The following IER3IP1 variants were observed in gnomAD, a reference collection of about 807,000 sequenced individuals.
IER3IP1 encodes the protein immediate early response 3-interacting protein 1.
Under a neutral mutation model 12.2 loss-of-function variants are expected in IER3IP1, and 16 were observed. The observed-to-expected ratio is 1.31, with a 90% CI of 0.89 to 1.99. The LOEUF is 1.99. Among genes scored for constraint, IER3IP1 ranks in the 30% most tolerant of loss-of-function variants. The probability of loss-of-function intolerance (pLI) is 0.00; values close to 1 mark genes in which losing one functional copy is unlikely to be tolerated. For synonymous variants in IER3IP1, 42 were observed against 40.0 expected, an observed-to-expected ratio of 1.05 and a Z score of -0.19; for missense variants, 95 against 95.8, an observed-to-expected ratio of 0.99 and a Z score of 0.03.
chr18:47,169,485 ACT>A lies in IER3IP1; in HGVS notation c.91+6700_91+6701del, dbSNP rs1183326858. On this transcript the variant is annotated intron_variant, in intron 1 of 2. Coordinates refer to ENST00000256433, the MANE Select transcript of IER3IP1 (RefSeq NM_016097.5). ...GTTTAACATTTTGAGGAACAGCCAG[ACT>A]GTTTTCCGAAGTGGCTGAACCATTT... Among the ~76,000 whole-genome samples, 8 of 152,292 alleles carry A rather than the reference ACT, an allele frequency of 5.3e-5. No individual in the cohort carries two copies. The East Asian group carries it at 1.5e-3, about 29-fold the overall frequency.
chr18:47,156,169 A>G lies in IER3IP1; in HGVS notation c.*8T>C, dbSNP rs769564169. 14 of 1,497,030 alleles carry G rather than the reference A, an allele frequency of 9.4e-6. No homozygotes were observed. The South Asian group carries it at 1.4e-4, about 14-fold the overall frequency. The allele number at this position is 1,497,030 out of a possible 1,614,324, so 92.7% of individuals were successfully genotyped here. A position where few individuals can be genotyped will look rare whatever the true frequency, so the allele number is the denominator to read the frequency against. ...CCTCTTCTGAGTCTCCATTTTCTCC[A>G]CTGATATTCATCCAAATAATAAAAG... On this transcript the variant is annotated 3_prime_UTR_variant, in exon 3 of 3. Transcript: ENST00000256433.
At chr18:47,174,963 T>C (rs1300672861) in intron 1 of IER3IP1, among the ~76,000 whole-genome samples, 1 of 152,236 alleles carries the variant, frequency 6.6e-6, no homozygotes, top group Non-Finnish European at 1.5e-5. Flanking sequence ...AGTTAGTATC[T>C]GCCCGTACTT....
chr18:47,174,775 C>T (rs1181575606), intron 1 of IER3IP1, among the ~76,000 whole-genome samples: 1 of 151,940 alleles, frequency 6.6e-6, no homozygotes, highest in Non-Finnish European at 1.5e-5. Context: ...CTGGTCATGT[C>T]GCTGTCTTAA....
At chr18:47,173,643 T>C (rs1041704036) in intron 1 of IER3IP1, among the ~76,000 whole-genome samples, 11 of 152,206 alleles carry the variant, frequency 7.2e-5, no homozygotes, top group African/African-American at 2.7e-4. Context: ...GCCTCTACTT[T>C]TAAAATATCT....
intron 1 of IER3IP1, among the ~76,000 whole-genome samples, chr18:47,166,899 T>G (rs1223620871): frequency 6.6e-6 from 1 of 152,202 alleles, no homozygotes; most frequent in Admixed American, 6.5e-5. Context: ...GACAAGCCAA[T>G]GTAGTGTGTT....
rs2144417675 is a variant in IER3IP1 at position 47,152,901 on chromosome 18, CATT to C, written c.*3273_*3275del. The C allele has an allele frequency of 6.6e-6, 1 of 152,264 alleles. No homozygotes were observed. The highest frequency in any genetic ancestry group is 6.5e-5 in the Admixed American group (1 of 15,300). 9.4% of individuals were successfully genotyped at this position (152,264 alleles called of 1,614,324 possible). On this transcript the variant is annotated 3_prime_UTR_variant, in exon 3 of 3. Transcript: ENST00000256433. The stretch of plus-strand genomic sequence containing the variant: ...TGGTTGAAGCACATCTAGATACAAA[CATT>C]AGTGATCTGGAAAAGATATATATAT...
At chr18:47,167,201 G>A (rs2063998768) in intron 1 of IER3IP1, among the ~76,000 whole-genome samples, 1 of 152,054 alleles carries the variant, frequency 6.6e-6, no homozygotes, top group African/African-American at 2.4e-5. Context: ...CAGGCAGAGT[G>A]TCACCAAGCC....
chr18:47,163,355 G>A (rs1408563948), intron 1 of IER3IP1, among the ~76,000 whole-genome samples: 6 of 152,178 alleles, frequency 3.9e-5, no homozygotes, highest in Admixed American at 2.0e-4. Context: ...TACATAGCAC[G>A]GAGATGCTGG....
intron 2 of IER3IP1, among the ~76,000 whole-genome samples, chr18:47,156,671 T>C (rs933696797): frequency 1.1e-4 from 16 of 152,156 alleles, no homozygotes; most frequent in African/African-American, 3.6e-4. Flanking sequence ...GGAGAAGAGG[T>C]ACTAATTATA....
chr18:47,173,507 G>A (rs2064021733), intron 1 of IER3IP1, among the ~76,000 whole-genome samples: 1 of 152,086 alleles, frequency 6.6e-6, no homozygotes, highest in East Asian at 1.9e-4. Flanking sequence ...ACCACACCCT[G>A]CTAATTTCTG....
chr18:47,171,546 G>T (rs780313496), intron 1 of IER3IP1, among the ~76,000 whole-genome samples: 5 of 152,152 alleles, frequency 3.3e-5, no homozygotes, highest in Non-Finnish European at 7.4e-5. Context: ...TATGTTATAG[G>T]TCTATTCGGA....
chr18:47,157,237 A>G, intron 2 of IER3IP1, 199 bp downstream of exon 2: 2 of 605,166 alleles, frequency 3.3e-6, no homozygotes, highest in East Asian at 5.6e-5. Context: ...TTCTATTTGT[A>G]CCAACTGGCT....
chr18:47,153,111 G>T lies in IER3IP1; in HGVS notation c.*3066C>A, dbSNP rs1340602939. The T allele has an allele frequency of 1.3e-5, 2 of 152,138 alleles. No individual in the cohort carries two copies. Among genetic ancestry groups the T allele is most frequent in the Non-Finnish European group, 2.9e-5 (2 of 68,032 alleles). 9.4% of individuals were successfully genotyped at this position (152,138 alleles called of 1,614,324 possible). ...CTAGTCAAATATCTTGCTTTCTCTT[G>T]TCATTTCACCAGTAATACACATCTA... is the stretch of plus-strand genomic sequence containing the variant. On this transcript the variant is annotated 3_prime_UTR_variant, in exon 3 of 3. Coordinates refer to ENST00000256433, the MANE Select transcript of IER3IP1 (RefSeq NM_016097.5).
At chr18:47,174,300 C>G (rs754634806) in intron 1 of IER3IP1, among the ~76,000 whole-genome samples, 6 of 152,320 alleles carry the variant, frequency 3.9e-5, no homozygotes, top group African/African-American at 7.2e-5. Context: ...GCTGTGAAGG[C>G]TACACCAGTT....
intron 2 of IER3IP1, 109 bp downstream of exon 2, chr18:47,157,326 GA>G (rs371718028): frequency 2.3e-5 from 19 of 834,844 alleles, no homozygotes; most frequent in Non-Finnish European, 2.3e-5. Flanking sequence ...ATGTTAAAGA[GA>G]AAAAAAATTC....
chr18:47,156,220 A>G lies in IER3IP1; in HGVS notation c.206T>C (p.Ile69Thr). 2 of 1,557,812 alleles carry G rather than the reference A, an allele frequency of 1.3e-6. No homozygotes were observed. Among genetic ancestry groups the G allele is most frequent in the Non-Finnish European group, 1.8e-6 (2 of 1,130,388 alleles). The change falls in exon 3 of 3, where the codon ATA (isoleucine) becomes ACA (threonine). Residue 69 changes from isoleucine to threonine, a missense_variant. Transcript: ENST00000256433. ...VRTVMRVPLI[I>T]VNSIAIVLLL... ...TAACACAATTGCAATTGAGTTTACT[A>G]TTATCAATGGCACTGTAAAGAGAAA...
At chr18:47,171,501 T>C (rs927872969) in intron 1 of IER3IP1, among the ~76,000 whole-genome samples, 1 of 152,226 alleles carries the variant, frequency 6.6e-6, no homozygotes, top group Non-Finnish European at 1.5e-5. Flanking sequence ...CTTGACTTCA[T>C]GAGAAGTTTT....
At chr18:47,166,692 G>A (rs1263845335) in intron 1 of IER3IP1, among the ~76,000 whole-genome samples, 1 of 152,036 alleles carries the variant, frequency 6.6e-6, no homozygotes, top group Non-Finnish European at 1.5e-5. Flanking sequence ...CGAAACTGGA[G>A]GCAGGATGAC....
At chr18:47,159,775 T>C (rs897344348) in intron 1 of IER3IP1, among the ~76,000 whole-genome samples, 1 of 152,162 alleles carries the variant, frequency 6.6e-6, no homozygotes, top group African/African-American at 2.4e-5. Context: ...ATAGCTGCTT[T>C]TTTTTTTCTT....
Sources: allele counts gnomAD v4.1 joint callset (sites outside exome capture counted in the v4.1 genomes callset), GRCh38; gene constraint gnomAD v4.1.1; transcripts MANE v1.5; gene names NCBI Gene and HGNC (gene_info 2026-07-23, HGNC 2026-07-21).